The following WFDC8 variants were observed in gnomAD, a reference collection of about 807,000 sequenced individuals.
WFDC8 encodes WAP four-disulfide core domain 8.
A neutral mutation model predicts 27.0 loss-of-function variants in WFDC8; 24 were observed. The ratio of observed to expected loss-of-function variants is 0.89; its 90% CI spans 0.64 to 1.25. The LOEUF is 1.25. WFDC8 is among the 50% of genes most tolerant of loss of function. The pLI is 0.00. For missense variants in WFDC8, 287 were observed against 295.9 expected (o/e 0.97, Z 0.22); for synonymous variants, 106 against 99.7 (o/e 1.06, Z -0.38).
Position 45,555,695 on chromosome 20 carries a change from T to C in WFDC8, c.445+6A>G. On this transcript the variant is annotated splice_donor_region_variant and intron_variant, in intron 4 of 5. Transcript: ENST00000289953. ...GACCCTCAGATTTCCAGGATAGAGG[T>C]CTCACCAATTAACATGCAGGCCGTT... The C allele has an allele frequency of 6.2e-7, 1 of 1,612,160 alleles. No individual in the cohort carries two copies. The highest frequency in any genetic ancestry group is 8.5e-7 in the Non-Finnish European group (1 of 1,179,930).
At chr20:45,578,148 T>A (rs1260784944) in intron 1 of WFDC8, among the ~76,000 whole-genome samples, 1 of 151,430 alleles carries the variant, frequency 6.6e-6, no homozygotes, top group Non-Finnish European at 1.5e-5. Flanking sequence ...CTAATTACCA[T>A]CTCTGTCATG....
chr20:45,554,640 C>T (rs1641440524), intron 4 of WFDC8, among the ~76,000 whole-genome samples: 1 of 152,174 alleles, frequency 6.6e-6, no homozygotes, highest in South Asian at 2.1e-4. Flanking sequence ...TTTCCCTGGC[C>T]TCCTCTTCCT....
intron 1 of WFDC8, among the ~76,000 whole-genome samples, chr20:45,570,433 T>C (rs1223757131): frequency 7.7e-6 from 1 of 129,682 alleles, no homozygotes; most frequent in African/African-American, 2.7e-5. Flanking sequence ...TGTAGCAGTT[T>C]AAAAAATTAA....
intron 1 of WFDC8, among the ~76,000 whole-genome samples, chr20:45,573,372 G>A (rs748906408): frequency 6.6e-6 from 1 of 152,144 alleles, no homozygotes. Flanking sequence ...GTATAGTGGT[G>A]AAGTCTGAGA....
In WFDC8 at chr20:45,565,328, C is replaced by T. The variant is rs6017622; in HGVS notation, c.27-3109G>A. 4.1e-3 allele frequency among the ~76,000 whole-genome samples: 624 copies of T among 152,260 alleles called. 4 individuals carry two copies. Among genetic ancestry groups the T allele is most frequent in the African/African-American group, 0.015 (605 of 41,536 alleles). ...TTTGACTAGATTAGGCTTGTTCAGG[C>T]TGGGGTACCCATATCCCTCAGGATA... On this transcript the variant is annotated intron_variant, in intron 1 of 5. Coordinates refer to ENST00000289953, the MANE Select transcript of WFDC8 (RefSeq NM_130896.3).
chr20:45,558,836 G>T lies in WFDC8; in HGVS notation c.277+16C>A, dbSNP rs776771283. Reference sequence around the variant, plus strand: ...AAGAAGTGGGGAACCTCTGTCCTCAGCCTGGACATCGCTACCTTGAAAGGG... The same window carrying T: ...AAGAAGTGGGGAACCTCTGTCCTCATCCTGGACATCGCTACCTTGAAAGGG... On this transcript the variant is annotated intron_variant, in intron 3 of 5. Coordinates refer to ENST00000289953, the MANE Select transcript of WFDC8 (RefSeq NM_130896.3). 6.2e-7 allele frequency: 1 copy of T among 1,613,980 alleles called. No individual in the cohort carries two copies. Among genetic ancestry groups the T allele is most frequent in the Non-Finnish European group, 8.5e-7 (1 of 1,179,920 alleles).
intron 1 of WFDC8, among the ~76,000 whole-genome samples, chr20:45,575,179 G>A (rs2145578574): frequency 6.6e-6 from 1 of 152,156 alleles, no homozygotes; most frequent in African/African-American, 2.4e-5. Flanking sequence ...AGAGCAATTA[G>A]CAAGAAAAAT....
chr20:45,552,403 C>A (rs926323638), intron 5 of WFDC8, among the ~76,000 whole-genome samples: 7 of 152,186 alleles, frequency 4.6e-5, no homozygotes, highest in Admixed American at 3.3e-4. Flanking sequence ...GGATTCCTGT[C>A]TGCTCCTACA....
rs112058127 is a variant in WFDC8 at position 45,553,824 on chromosome 20, C to CTAT, written c.446-549_446-548insATA. Among the ~76,000 whole-genome samples, 772 of 152,204 alleles carry CTAT rather than the reference C, an allele frequency of 5.1e-3. 10 individuals are homozygous for CTAT. In the East Asian group the frequency reaches 0.053, roughly 10 times the overall value. ...GGTAAGGTTTTACCAGATTTAGGAT[C>CTAT]TACTTTCAAGGTAGAACTAAAATTA... is the stretch of plus-strand genomic sequence containing the variant. On this transcript the variant is annotated intron_variant, in intron 4 of 5. Transcript: ENST00000289953.
At position 45,553,854 on chromosome 20, in the gene WFDC8, C is replaced by G. The variant is rs554132595; in HGVS notation, c.446-578G>C. 2.0e-5 allele frequency among the ~76,000 whole-genome samples: 3 copies of G among 152,230 alleles called. 1 individual carries two copies. Among genetic ancestry groups the G allele is most frequent in the Admixed American group, 6.5e-5 (1 of 15,296 alleles). Reference sequence around the variant, plus strand: ...TTCAAGGTAGAACTAAAATTATTTCCTAACTAACTTAATGGATGTTAATTG... The same window carrying G: ...TTCAAGGTAGAACTAAAATTATTTCGTAACTAACTTAATGGATGTTAATTG... On this transcript the variant is annotated intron_variant, in intron 4 of 5. Coordinates refer to ENST00000289953, the MANE Select transcript of WFDC8 (RefSeq NM_130896.3).
At chr20:45,559,154 C>T (rs1299464913) in intron 2 of WFDC8, among the ~76,000 whole-genome samples, 162 bp from the exon 3 acceptor site, 1 of 152,120 alleles carries the variant, frequency 6.6e-6, no homozygotes, top group Non-Finnish European at 1.5e-5. Context: ...TCTCAGCACT[C>T]AGATTCATTC....
At chr20:45,559,398 C>T (rs1416375321) in intron 2 of WFDC8, among the ~76,000 whole-genome samples, 7 of 152,170 alleles carry the variant, frequency 4.6e-5, no homozygotes, top group African/African-American at 1.7e-4. Context: ...GCTGATTTGA[C>T]CCTTGACTCC....
chr20:45,571,419 A>T (rs1980863009), intron 1 of WFDC8, among the ~76,000 whole-genome samples: 1 of 152,228 alleles, frequency 6.6e-6, no homozygotes, highest in African/African-American at 2.4e-5. Context: ...GTATGTACAC[A>T]TTGCGGAATG....
At chr20:45,555,897 T>C in intron 3 of WFDC8, 29 bp from the exon 4 acceptor site, 2 of 1,607,606 alleles carry the variant, frequency 1.2e-6, no homozygotes, top group South Asian at 1.1e-5. Flanking sequence ...GAAAGAAGGA[T>C]ATGAAGAGTA....
At chr20:45,567,803 C>T (rs1980732191) in intron 1 of WFDC8, among the ~76,000 whole-genome samples, 1 of 152,234 alleles carries the variant, frequency 6.6e-6, no homozygotes, top group African/African-American at 2.4e-5. Context: ...GAGAAACATT[C>T]TGTAAAGTTA....
At chr20:45,573,226 C>G (rs1263115136) in intron 1 of WFDC8, among the ~76,000 whole-genome samples, 1 of 152,166 alleles carries the variant, frequency 6.6e-6, no homozygotes, top group Non-Finnish European at 1.5e-5. Context: ...CCTATGTTTT[C>G]TTCTCAGAGT....
intron 1 of WFDC8, among the ~76,000 whole-genome samples, chr20:45,564,582 GACAATGGC>G (rs1980580367): frequency 6.6e-6 from 1 of 151,760 alleles, no homozygotes; most frequent in South Asian, 2.1e-4. Flanking sequence ...GCTGAGGCAG[GACAATGGC>G]GTGAACCCGG....
Position 45,552,057 on chromosome 20 carries a change from C to T in WFDC8, c.695G>A (p.Cys232Tyr), listed in dbSNP as rs1216550006. 2 of 1,614,124 alleles carry T rather than the reference C, an allele frequency of 1.2e-6. No individual in the cohort carries two copies. The highest frequency in any genetic ancestry group is 1.1e-5 in the South Asian group (1 of 91,078). Residue 232 changes from cysteine (C) to tyrosine (Y), a missense_variant, in exon 6 of 6, where the codon TGT becomes TAT. Physicochemically the swap from Cys to Tyr is radical, Grantham distance 194. Coordinates refer to ENST00000289953, the MANE Select transcript of WFDC8 (RefSeq NM_130896.3). ...TCTGGGGTCCATACATTTCAGTCCA[C>T]AATGTGAGCAGCACTTTTCCACCAA... ...CPLVEKCCSH[C>Y]GLKCMDPRR is the part of the protein sequence containing the mutation.
chr20:45,554,106 T>A (rs1980151883), intron 4 of WFDC8, among the ~76,000 whole-genome samples: 1 of 152,178 alleles, frequency 6.6e-6, no homozygotes, highest in African/African-American at 2.4e-5. Context: ...TCAAGTGATC[T>A]TCCCAGCCTC....
Sources: allele counts gnomAD v4.1 joint callset (sites outside exome capture counted in the v4.1 genomes callset), GRCh38; gene constraint gnomAD v4.1.1; transcripts MANE v1.5; gene names NCBI Gene and HGNC (gene_info 2026-07-23, HGNC 2026-07-21).